Variants in ZC3H12B observed in about 807,000 individuals in gnomAD.
The protein encoded by ZC3H12B is probable ribonuclease ZC3H12B.
Under a neutral mutation model 43.9 loss-of-function variants are expected in ZC3H12B, and 7 were observed. The ratio of observed to expected loss-of-function variants is 0.16; its 90% CI spans 0.09 to 0.30. The LOEUF is 0.30. Ranked by LOEUF, ZC3H12B falls within the 10% of genes least tolerant of loss-of-function variation. The probability of loss-of-function intolerance (pLI) is 1.00; values close to 1 mark genes in which losing one functional copy is unlikely to be tolerated. For missense variants in ZC3H12B, 475 were observed against 670.2 expected (o/e 0.71, Z 3.22); for synonymous variants, 222 against 241.7 (o/e 0.92, Z 0.76).
intron 2 of ZC3H12B, among the ~76,000 whole-genome samples, chrX:65,386,578 T>C (rs936458589): frequency 9.0e-6 from 1 of 111,481 alleles, no homozygotes; most frequent in African/African-American, 3.3e-5. Flanking sequence ...TCAATTTTGT[T>C]GATCTTTTCA....
the ZC3H12B span, among the ~76,000 whole-genome samples, chrX:65,046,693 G>A: frequency 9.0e-6 from 1 of 111,482 alleles, no homozygotes; most frequent in Non-Finnish European, 1.9e-5. Flanking sequence ...TCACAGTCTG[G>A]CTAGCTGTTT....
At chrX:65,156,234 C>T in the ZC3H12B span, among the ~76,000 whole-genome samples, 1 of 110,886 alleles carries the variant, frequency 9.0e-6, no homozygotes, top group South Asian at 3.9e-4. Flanking sequence ...CTGTGTCACC[C>T]AGGCTGGAGT....
At chrX:65,388,672 C>T (rs761006729) in intron 2 of ZC3H12B, among the ~76,000 whole-genome samples, 1 of 111,957 alleles carries the variant, frequency 8.9e-6, no homozygotes, top group Non-Finnish European at 1.9e-5. Context: ...CGGGTTTGTT[C>T]CATTGCTGGT....
chrX:65,393,853 C>A (rs1008863916), intron 2 of ZC3H12B, among the ~76,000 whole-genome samples: 7 of 112,218 alleles, frequency 6.2e-5, no homozygotes, highest in Admixed American at 5.6e-4. Flanking sequence ...GCATCCTCTC[C>A]AGCATCTATT....
chrX:65,478,736 C>T (rs1449795937), intron 3 of ZC3H12B, among the ~76,000 whole-genome samples: 1 of 112,392 alleles, frequency 8.9e-6, no homozygotes, highest in East Asian at 2.8e-4. Flanking sequence ...CTATAGCCTT[C>T]ACTTCCTGAT....
chrX:65,206,973 C>CA, the ZC3H12B span, among the ~76,000 whole-genome samples: 1 of 103,681 alleles, frequency 9.6e-6, no homozygotes, highest in African/African-American at 3.8e-5. Context: ...CTTACTCCCG[C>CA]AAGAATGGCC....
At chrX:65,277,765 A>G in the ZC3H12B span, among the ~76,000 whole-genome samples, 1 of 111,915 alleles carries the variant, frequency 8.9e-6, no homozygotes, top group South Asian at 3.7e-4. Flanking sequence ...AAAAACTGGA[A>G]AGATTACAAA....
At chrX:65,261,847 T>G in the ZC3H12B span, among the ~76,000 whole-genome samples, 3 of 111,200 alleles carry the variant, frequency 2.7e-5, no homozygotes, top group Non-Finnish European at 3.8e-5. Flanking sequence ...TGAAGGTGGT[T>G]TGAAAAAAAC....
the ZC3H12B span, among the ~76,000 whole-genome samples, chrX:65,346,860 C>T: frequency 1.2e-3 from 138 of 112,295 alleles, 1 homozygote; most frequent in Middle Eastern, 4.6e-3. Context: ...GGGAATGGGG[C>T]GGCTGTGGGT....
At chrX:65,234,201 A>C in the ZC3H12B span, among the ~76,000 whole-genome samples, 1 of 112,255 alleles carries the variant, frequency 8.9e-6, no homozygotes, top group Non-Finnish European at 1.9e-5. Flanking sequence ...AAGATGGTTC[A>C]GCATATGCAA....
chrX:65,081,387 AAC>A, the ZC3H12B span, among the ~76,000 whole-genome samples: 3 of 111,398 alleles, frequency 2.7e-5, no homozygotes, highest in East Asian at 8.4e-4. Context: ...GCTTACATGA[AAC>A]ACACATTACC....
chrX:65,224,099 T>C, the ZC3H12B span, among the ~76,000 whole-genome samples: 1 of 112,659 alleles, frequency 8.9e-6, no homozygotes, highest in Admixed American at 9.4e-5. Context: ...GGTATTTATA[T>C]ACAATGGAAT....
At chrX:65,225,006 G>C in the ZC3H12B span, among the ~76,000 whole-genome samples, 4 of 111,824 alleles carry the variant, frequency 3.6e-5, no homozygotes, top group Non-Finnish European at 7.5e-5. Flanking sequence ...CTGTCTGACA[G>C]AGTTGAAGAC....
the ZC3H12B span, among the ~76,000 whole-genome samples, chrX:65,180,931 G>T: frequency 9.0e-6 from 1 of 111,306 alleles, no homozygotes; most frequent in South Asian, 3.7e-4. Flanking sequence ...CAAAAAACGA[G>T]TCCATGGAGC....
intron 3 of ZC3H12B, among the ~76,000 whole-genome samples, chrX:65,434,456 A>G (rs757957672): frequency 1.6e-4 from 18 of 112,161 alleles, no homozygotes; most frequent in South Asian, 7.4e-4. Flanking sequence ...AGTTAAACAA[A>G]TAAACAAATT....
At chrX:65,131,633 C>T in the ZC3H12B span, among the ~76,000 whole-genome samples, 6 of 111,339 alleles carry the variant, frequency 5.4e-5, no homozygotes, top group Non-Finnish European at 1.1e-4. Flanking sequence ...ATGGTTTAGT[C>T]AGGATGGTAA....
chrX:65,132,845 C>A, the ZC3H12B span, among the ~76,000 whole-genome samples: 1 of 110,724 alleles, frequency 9.0e-6, no homozygotes, highest in Non-Finnish European at 1.9e-5. Flanking sequence ...TAAGAGTTAC[C>A]CAAAGTGTCT....
the ZC3H12B span, among the ~76,000 whole-genome samples, chrX:65,212,564 T>G: frequency 1.3e-5 from 1 of 79,412 alleles, no homozygotes; most frequent in Non-Finnish European, 2.2e-5. Context: ...TATTATATGT[T>G]ATATATAATT....
intron 3 of ZC3H12B, among the ~76,000 whole-genome samples, chrX:65,421,435 C>T (rs759851372): frequency 6.2e-5 from 7 of 112,093 alleles, no homozygotes; most frequent in Non-Finnish European, 1.1e-4. Context: ...CATTATTTAT[C>T]GGCACGATCA....
Sources: allele counts gnomAD v4.1 joint callset (sites outside exome capture counted in the v4.1 genomes callset), GRCh38; gene constraint gnomAD v4.1.1; transcripts MANE v1.5; gene names NCBI Gene and HGNC (gene_info 2026-07-23, HGNC 2026-07-21).